The following RAPGEF1 variants were observed in gnomAD, a reference collection of about 807,000 sequenced individuals.
RAPGEF1 encodes the protein CRK SH3-binding GNRP.
RAPGEF1 carries 33 observed loss-of-function variants against 143.3 expected under a neutral mutation model. The ratio of observed to expected loss-of-function variants is 0.23; its 90% CI spans 0.17 to 0.31. The LOEUF is 0.31. RAPGEF1 is among the 10% of genes least tolerant of loss of function. RAPGEF1 has a pLI of 1.00. For synonymous variants in RAPGEF1, 629 were observed against 676.5 expected (o/e 0.93, Z 1.09); for missense variants, 1,199 against 1,645.4 (o/e 0.73, Z 4.69).
At chr9:131,703,291 T>A (rs1218354703) in intron 1 of RAPGEF1, among the ~76,000 whole-genome samples, 1 of 152,254 alleles carries the variant, frequency 6.6e-6, no homozygotes, top group Admixed American at 6.5e-5. Flanking sequence ...TGAGCCATCA[T>A]GCCCGGTCAT....
chr9:131,584,548 C>T lies in RAPGEF1; in HGVS notation c.3282G>A (p.Arg1094=). Residue 1094 remains arginine (R), a synonymous_variant, in exon 23 of 27, where the codon CGG becomes CGA. Coordinates refer to ENST00000683357, the MANE Select transcript of RAPGEF1 (RefSeq NM_001377935.1). This position sits in a 1 kb window ranked among gnomAD's most constrained non-coding sequence, Gnocchi z 6.8. ...TGATCTTGATGAACTTCAAGAGCAGCCGTTCCCTGTCCTGGGCCTTTTCCT... is the reference window on the plus strand; with the variant it reads ...TGATCTTGATGAACTTCAAGAGCAGTCGTTCCCTGTCCTGGGCCTTTTCCT... ...MLQEKAQDRE[R]LLLKFIKIMK... is the part of the protein sequence containing the mutation. 1 of 1,614,038 alleles carries T rather than the reference C, an allele frequency of 6.2e-7. No individual in the cohort carries two copies. The highest frequency in any genetic ancestry group is 2.2e-5 in the East Asian group (1 of 44,878).
chr9:131,598,123 G>T, intron 16 of RAPGEF1, 76 bp downstream of exon 16: 1 of 1,286,976 alleles, frequency 7.8e-7, no homozygotes, highest in Non-Finnish European at 1.1e-6. Flanking sequence ...CTTATGACAA[G>T]ATCACATTCT....
intron 1 of RAPGEF1, 23 bp downstream of exon 1, chr9:131,739,747 G>T: frequency 8.8e-7 from 1 of 1,131,528 alleles, no homozygotes; most frequent in Non-Finnish European, 1.1e-6. Flanking sequence ...GCCGGAGGGA[G>T]CCGCCCCACG....
intron 1 of RAPGEF1, among the ~76,000 whole-genome samples, chr9:131,682,241 A>G (rs1253931255): frequency 6.6e-6 from 1 of 152,232 alleles, no homozygotes; most frequent in Non-Finnish European, 1.5e-5. Context: ...ATATGTCCAA[A>G]ATGTAAAAAA....
chr9:131,665,421 A>C (rs925911429), intron 1 of RAPGEF1, among the ~76,000 whole-genome samples: 2 of 152,072 alleles, frequency 1.3e-5, no homozygotes, highest in Non-Finnish European at 2.9e-5. Context: ...CACCTGCACC[A>C]CGGTCAGCCT....
At chr9:131,633,627 A>AT (rs1965540354) in intron 5 of RAPGEF1, among the ~76,000 whole-genome samples, 2 of 152,166 alleles carry the variant, frequency 1.3e-5, no homozygotes, top group Admixed American at 1.3e-4. Flanking sequence ...ACACATGTGC[A>AT]GACATGTGCC....
chr9:131,629,338 A>C, intron 6 of RAPGEF1, 84 bp from the exon 7 acceptor site: 1 of 1,356,122 alleles, frequency 7.4e-7, no homozygotes, highest in Non-Finnish European at 1.0e-6. Context: ...TGAGGACGTG[A>C]CCAGGAAGAA....
chr9:131,610,363 C>T (rs1258462709), intron 12 of RAPGEF1, among the ~76,000 whole-genome samples: 5 of 152,210 alleles, frequency 3.3e-5, no homozygotes, highest in Non-Finnish European at 7.3e-5. Context: ...GGTTGCTCCA[C>T]AGTGACTTGA....
At chr9:131,694,536 G>A (rs1564174153) in intron 1 of RAPGEF1, among the ~76,000 whole-genome samples, 1 of 152,116 alleles carries the variant, frequency 6.6e-6, no homozygotes, top group South Asian at 2.1e-4. Flanking sequence ...AGGCTGGCAC[G>A]CTCTCGCTCA....
intron 1 of RAPGEF1, among the ~76,000 whole-genome samples, chr9:131,737,689 G>A (rs897222548): frequency 5.9e-5 from 9 of 152,276 alleles, no homozygotes; most frequent in Non-Finnish European, 1.2e-4. Flanking sequence ...AAGAGGCCCA[G>A]CGCGGTGGCT....
At chr9:131,582,851 G>T in intron 24 of RAPGEF1, 149 bp from the exon 25 acceptor site, 1 of 627,214 alleles carries the variant, frequency 1.6e-6, no homozygotes, top group Non-Finnish European at 2.6e-6. Flanking sequence ...CACCCAGCCA[G>T]GTGTGGGTCC....
chr9:131,583,587 C>A lies in RAPGEF1; in HGVS notation c.3414+724G>T, dbSNP rs974192645. ...GCTGAACTTGGGTCCCTGACATGAC[C>A]CCTGGGTGGCCTGGCTGACACTCAA... On this transcript the variant is annotated intron_variant, in intron 24 of 26. Transcript: ENST00000683357. The surrounding 1 kb of genome is among the most constrained non-coding windows in gnomAD (Gnocchi z 4.7). Among the ~76,000 whole-genome samples the A allele has an allele frequency of 4.6e-5, 7 of 152,084 alleles. No homozygotes were observed. The highest frequency in any genetic ancestry group is 1.7e-4 in the African/African-American group (7 of 41,398).
intron 5 of RAPGEF1, 139 bp downstream of exon 5, chr9:131,638,496 G>C: frequency 1.0e-6 from 1 of 956,940 alleles, no homozygotes; most frequent in East Asian, 2.5e-5. Context: ...AGTAGTTATG[G>C]GATAGAGCGC....
At chr9:131,714,265 G>A (rs901947288) in intron 1 of RAPGEF1, among the ~76,000 whole-genome samples, 2 of 152,018 alleles carry the variant, frequency 1.3e-5, no homozygotes, top group African/African-American at 4.8e-5. Flanking sequence ...CACGCAAGAC[G>A]CTGTTGGCTC....
intron 1 of RAPGEF1, among the ~76,000 whole-genome samples, chr9:131,726,296 T>C (rs1836663665): frequency 1.3e-5 from 2 of 152,118 alleles, no homozygotes; most frequent in Non-Finnish European, 2.9e-5. Context: ...TTACACGGTA[T>C]TCTGGAAAAT....
At chr9:131,604,124 G>A in intron 13 of RAPGEF1, 71 bp from the exon 14 acceptor site, 1 of 968,854 alleles carries the variant, frequency 1.0e-6, no homozygotes, top group Non-Finnish European at 1.5e-6. Flanking sequence ...GCTGGCCAGG[G>A]GATGCCACAG....
intron 9 of RAPGEF1, 112 bp downstream of exon 9, chr9:131,627,801 A>G (rs2133025789): frequency 8.7e-7 from 1 of 1,154,384 alleles, no homozygotes; most frequent in Non-Finnish European, 1.2e-6. Flanking sequence ...TAAACAAGTC[A>G]GCCAAAGCCA....
intron 1 of RAPGEF1, among the ~76,000 whole-genome samples, chr9:131,669,511 G>A (rs1831004119): frequency 6.6e-6 from 1 of 152,148 alleles, no homozygotes; most frequent in African/African-American, 2.4e-5. Flanking sequence ...CTTGCAAGGT[G>A]CTGGGGTCAG....
At chr9:131,608,328 A>G (rs940509148) in intron 12 of RAPGEF1, among the ~76,000 whole-genome samples, 1 of 152,294 alleles carries the variant, frequency 6.6e-6, no homozygotes, top group African/African-American at 2.4e-5. Context: ...GGCCTAATAC[A>G]TATTTGCTGA....
Sources: allele counts gnomAD v4.1 joint callset (sites outside exome capture counted in the v4.1 genomes callset), GRCh38; gene constraint gnomAD v4.1.1; non-coding constraint Gnocchi (gnomAD v3.1); transcripts MANE v1.5; gene names NCBI Gene and HGNC (gene_info 2026-07-23, HGNC 2026-07-21).